Variants in TANC2 observed in about 807,000 individuals in gnomAD.
TANC2 encodes the protein tetratricopeptide repeat, ankyrin repeat and coiled-coil containing 2.
A neutral mutation model predicts 210.5 loss-of-function variants in TANC2; 26 were observed. That is an observed-to-expected ratio of 0.12 (90% confidence interval 0.09 to 0.17). TANC2 has a LOEUF of 0.17. Ranked by LOEUF, TANC2 falls within the 10% of genes least tolerant of loss-of-function variation. TANC2 has a pLI of 1.00. For synonymous variants in TANC2, 931 were observed against 967.1 expected (o/e 0.96, Z 0.69); for missense variants, 2,129 against 2,608.9 (o/e 0.82, Z 4.01).
intron 11 of TANC2, among the ~76,000 whole-genome samples, chr17:63,333,351 G>T (rs2045922469): frequency 6.6e-6 from 1 of 152,196 alleles, no homozygotes; most frequent in African/African-American, 2.4e-5. Context: ...GGATGACCTT[G>T]AGAGAGGTTC....
chr17:62,996,368 C>T (rs1384316218), intron 1 of TANC2, among the ~76,000 whole-genome samples: 5 of 152,188 alleles, frequency 3.3e-5, no homozygotes, highest in Non-Finnish European at 7.3e-5. Context: ...TTAGCAAATC[C>T]CAGCAGCCAT....
intron 8 of TANC2, among the ~76,000 whole-genome samples, chr17:63,242,238 C>T (rs935033622): frequency 2.0e-5 from 3 of 152,050 alleles, no homozygotes; most frequent in Non-Finnish European, 4.4e-5. Context: ...CTCCTGTACT[C>T]CTATAAAAGC....
At chr17:63,131,385 A>G (rs1183268937) in intron 4 of TANC2, among the ~76,000 whole-genome samples, 2 of 152,206 alleles carry the variant, frequency 1.3e-5, no homozygotes, top group African/African-American at 4.8e-5. Context: ...GGTCTGGGCA[A>G]AGAAAGAGGT....
chr17:63,333,873 C>G lies in TANC2; in HGVS notation c.1576-6228C>G, dbSNP rs967547140. ...AAGCAAAAAGAGGATTCACTGGAGGCTCATGTGATCATTAGCATTTTTAAC... is the reference window on the plus strand; with the variant it reads ...AAGCAAAAAGAGGATTCACTGGAGGGTCATGTGATCATTAGCATTTTTAAC... On this transcript the variant is annotated intron_variant, in intron 11 of 27. Coordinates refer to ENST00000689528, the Ensembl canonical transcript of TANC2. Among the ~76,000 whole-genome samples the G allele has an allele frequency of 2.6e-5, 4 of 152,172 alleles. No individual in the cohort carries two copies. In the East Asian group the frequency reaches 5.8e-4, roughly 22 times the overall value.
chr17:63,248,264 T>C (rs1310485950), intron 8 of TANC2, among the ~76,000 whole-genome samples: 2 of 152,078 alleles, frequency 1.3e-5, no homozygotes, highest in Admixed American at 1.3e-4. Context: ...ATGCTAAATC[T>C]CTGGTGAACA....
intron 5 of TANC2, among the ~76,000 whole-genome samples, chr17:63,181,698 A>C (rs2040790522): frequency 6.6e-6 from 1 of 151,764 alleles, no homozygotes; most frequent in Non-Finnish European, 1.5e-5. Flanking sequence ...GAATGATTGA[A>C]CCTCCAAGGA....
intron 7 of TANC2, among the ~76,000 whole-genome samples, chr17:63,207,398 G>A (rs1158355444): frequency 2.6e-5 from 4 of 151,396 alleles, no homozygotes; most frequent in Non-Finnish European, 5.9e-5. Flanking sequence ...TGTATTTTTA[G>A]TAGAGATGGG....
At chr17:63,149,108 G>C (rs2039559568) in intron 4 of TANC2, 2 of 152,138 alleles carry the variant, frequency 1.3e-5, no homozygotes, top group Non-Finnish European at 2.9e-5. Context: ...GGAATTTCCT[G>C]AGAAGGGAAA....
chr17:63,257,714 T>C (rs1360797359), intron 8 of TANC2, among the ~76,000 whole-genome samples: 3 of 152,184 alleles, frequency 2.0e-5, no homozygotes, highest in Non-Finnish European at 4.4e-5. Flanking sequence ...TTAACACTGA[T>C]GGCAAAAACA....
At chr17:63,391,057 G>A (rs2047955172) in intron 17 of TANC2, 1 of 152,040 alleles carries the variant, frequency 6.6e-6, no homozygotes, top group Non-Finnish European at 1.5e-5. Context: ...CAGAGCAATT[G>A]TCTCCTCCTC....
chr17:63,159,097 A>G (rs2039936940), intron 5 of TANC2, among the ~76,000 whole-genome samples: 1 of 152,188 alleles, frequency 6.6e-6, no homozygotes, highest in South Asian at 2.1e-4. Flanking sequence ...GACAGTTTTT[A>G]TAACCTAATC....
At chr17:63,336,878 C>T (rs34440929) in intron 11 of TANC2, among the ~76,000 whole-genome samples, 12,716 of 152,148 alleles carry the variant, frequency 0.084, 690 homozygotes, top group Middle Eastern at 0.13. Context: ...GAACCATTCC[C>T]AAGGAGCTGT....
At chr17:63,176,996 G>C (rs1437458070) in intron 5 of TANC2, among the ~76,000 whole-genome samples, 2 of 151,890 alleles carry the variant, frequency 1.3e-5, no homozygotes, top group Non-Finnish European at 2.9e-5. Flanking sequence ...GGGCACGGTG[G>C]CTCACACCTG....
intron 1 of TANC2, among the ~76,000 whole-genome samples, chr17:62,996,999 T>TTTTTTTTTTTTTTTTTTTTTTTTTTTTTG (rs1241944607): frequency 4.2e-5 from 6 of 144,134 alleles, no homozygotes; most frequent in Non-Finnish European, 7.6e-5. Context: ...ATTTTTAGTA[T>TTTTTTTTTTTTTTTTTTTTTTTTTTTTTG]AGATGGGGTT....
Position 63,421,917 on chromosome 17 carries a change from A to C in TANC2, c.6187A>C (p.Ile2063Leu). The C allele has an allele frequency of 1.2e-6, 2 of 1,613,550 alleles. No homozygotes were observed. The highest frequency in any genetic ancestry group is 1.7e-6 in the Non-Finnish European group (2 of 1,179,652). The stretch of plus-strand genomic sequence containing the variant: ...CTCTCGGCAAGGGCAGACATCCCCT[A>C]TCAAACCAAAGAGACCGTTCGTGGA... Residue 2063 changes from isoleucine (I) to leucine (L), a missense_variant, in exon 28 of 28, where the codon ATC becomes CTC. Physicochemically the swap from Ile to Leu is conservative, Grantham distance 5. Around this residue, in one of 5 missense-constraint regions of TANC2, gnomAD observed 161 missense variants for 178.6 expected, o/e 0.90. Coordinates refer to ENST00000689528, the Ensembl canonical transcript of TANC2. This position sits in a 1 kb window ranked among gnomAD's most constrained non-coding sequence, Gnocchi z 6.9.
At chr17:63,197,232 C>G (rs2041375897) in intron 6 of TANC2, among the ~76,000 whole-genome samples, 1 of 152,014 alleles carries the variant, frequency 6.6e-6, no homozygotes, top group Admixed American at 6.6e-5. Context: ...CATTATGCCT[C>G]TCATACCAGG....
chr17:63,369,392 G>A (rs1444821205), intron 14 of TANC2, among the ~76,000 whole-genome samples: 2 of 152,022 alleles, frequency 1.3e-5, no homozygotes, highest in African/African-American at 4.8e-5. Context: ...ACTTCATGTT[G>A]GCTAGGAATG....
At chr17:63,123,237 G>C (rs948403160) in intron 4 of TANC2, among the ~76,000 whole-genome samples, 1 of 152,128 alleles carries the variant, frequency 6.6e-6, no homozygotes, top group African/African-American at 2.4e-5. Flanking sequence ...GATAGACATT[G>C]AGTTCAGGGT....
At chr17:63,092,799 A>G (rs568982891) in intron 3 of TANC2, among the ~76,000 whole-genome samples, 1 of 152,234 alleles carries the variant, frequency 6.6e-6, no homozygotes, top group South Asian at 2.1e-4. Flanking sequence ...ACACCTCCCA[A>G]CAGGCCCACC....
Sources: allele counts gnomAD v4.1 joint callset (sites outside exome capture counted in the v4.1 genomes callset), GRCh38; gene constraint gnomAD v4.1.1; regional missense constraint gnomAD v4.1.1; non-coding constraint Gnocchi (gnomAD v3.1); transcripts MANE v1.5; gene names NCBI Gene and HGNC (gene_info 2026-07-23, HGNC 2026-07-21).